The following CTBP2 variants were observed in gnomAD, a reference collection of about 807,000 sequenced individuals.
The protein encoded by CTBP2 is C-terminal binding protein 2.
In CTBP2, 30 loss-of-function variants were observed where a neutral mutation model predicts 80.3. The ratio of observed to expected loss-of-function variants is 0.37; its 90% CI spans 0.28 to 0.51. The LOEUF (loss-of-function observed/expected upper bound fraction) is 0.51. Ranked by LOEUF, CTBP2 falls within the 20% of genes least tolerant of loss-of-function variation. CTBP2 has a pLI of 0.93. For missense variants in CTBP2, 1,212 were observed against 1,375.3 expected (o/e 0.88, Z 1.88); for synonymous variants, 594 against 587.4 (o/e 1.01, Z -0.16).
At chr10:125,049,767 G>A (rs962250365) in intron 2 of CTBP2, among the ~76,000 whole-genome samples, 14 of 152,144 alleles carry the variant, frequency 9.2e-5, no homozygotes, top group African/African-American at 3.4e-4. Context: ...AAGCAGGAAC[G>A]GCTCCCTCCA....
At chr10:125,004,624 G>C (rs11245461) in intron 1 of CTBP2, among the ~76,000 whole-genome samples, 8,746 of 152,206 alleles carry the variant, frequency 0.057, 862 homozygotes, top group African/African-American at 0.2. Flanking sequence ...TGTCAAATTA[G>C]AACTCTTTAG....
intron 1 of CTBP2, among the ~76,000 whole-genome samples, chr10:125,135,343 G>GA (rs1187979242): frequency 1.3e-5 from 2 of 151,966 alleles, no homozygotes; most frequent in African/African-American, 4.8e-5. Context: ...TGAGGGCTCC[G>GA]AAAAAAATGT....
intron 2 of CTBP2, among the ~76,000 whole-genome samples, chr10:125,048,789 G>A (rs190389973): frequency 2.6e-5 from 4 of 152,262 alleles, no homozygotes; most frequent in Admixed American, 2.0e-4. Flanking sequence ...GGGCTGCTCC[G>A]CAAATGCCCC....
Position 125,027,765 on chromosome 10 carries a change from A to G in CTBP2, c.-6T>C, listed in dbSNP as rs1957805966. The G allele has an allele frequency of 6.4e-7, 1 of 1,565,582 alleles. No homozygotes were observed. On this transcript the variant is annotated 5_prime_UTR_variant, in exon 1 of 9. Transcript: ENST00000309035. ...TGCCTGCTGGGAACTGGCATTGGAAAAAAAATGACTGCGGATGAGGCAGAG... is the reference window on the plus strand; with the variant it reads ...TGCCTGCTGGGAACTGGCATTGGAAGAAAAATGACTGCGGATGAGGCAGAG...
chr10:125,115,938 C>T (rs1003648509), intron 1 of CTBP2, among the ~76,000 whole-genome samples: 2 of 152,132 alleles, frequency 1.3e-5, no homozygotes, highest in African/African-American at 4.8e-5. Context: ...TACTCCACAC[C>T]CCTGCCCACC....
rs190045529 is a variant in CTBP2, at chr10:125,050,742, G to A, written c.-101-11587C>T. ...CAGTCCCGGTCTCCAGGTCTCTGACGAGTACACCACCCCATTTTAACACTC... is the reference window on the plus strand; with the variant it reads ...CAGTCCCGGTCTCCAGGTCTCTGACAAGTACACCACCCCATTTTAACACTC... On this transcript the variant is annotated intron_variant, in intron 2 of 10. Coordinates refer to the CTBP2 transcript ENST00000337195. 3.9e-4 allele frequency among the ~76,000 whole-genome samples: 60 copies of A among 152,298 alleles called. No homozygotes were observed. In the East Asian group the frequency reaches 8.1e-3, roughly 21 times the overall value.
chr10:125,061,966 G>A (rs1193355488), intron 2 of CTBP2, among the ~76,000 whole-genome samples: 1 of 152,178 alleles, frequency 6.6e-6, no homozygotes, highest in East Asian at 1.9e-4. Flanking sequence ...GAAAACAACG[G>A]GCCAAAGACA....
upstream of CTBP2, among the ~76,000 whole-genome samples, chr10:125,161,771 G>A (rs1299481424): frequency 6.6e-6 from 1 of 152,060 alleles, no homozygotes; most frequent in Admixed American, 6.5e-5. Context: ...CATTTGAGAA[G>A]CCCTGTGTTG....
intron 2 of CTBP2, among the ~76,000 whole-genome samples, chr10:125,094,135 A>C (rs892066555): frequency 2.0e-5 from 3 of 152,170 alleles, no homozygotes; most frequent in Admixed American, 1.3e-4. Flanking sequence ...AAAGTTAAAG[A>C]AACAGAGGAA....
chr10:125,138,868 ACTGT>A (rs1211674688), intron 1 of CTBP2, among the ~76,000 whole-genome samples: 1 of 152,190 alleles, frequency 6.6e-6, no homozygotes, highest in Non-Finnish European at 1.5e-5. Context: ...CACTCGGCTA[ACTGT>A]GCAAAGGAAC....
Position 125,154,835 on chromosome 10 carries a change from G to A in CTBP2, c.-206+5484C>T, listed in dbSNP as rs11812474. 4.0e-3 allele frequency among the ~76,000 whole-genome samples: 613 copies of A among 152,304 alleles called. 2 individuals carry two copies. Among genetic ancestry groups the A allele is most frequent in the African/African-American group, 0.013 (543 of 41,570 alleles). On this transcript the variant is annotated intron_variant, in intron 1 of 10. Transcript: ENST00000337195. ...GAAGGAGAAGGGCTTTGTGAATGGG[G>A]GAGGAGCTTTTTCCGAAATGGCAGC...
intron 2 of CTBP2, among the ~76,000 whole-genome samples, chr10:125,096,499 A>G (rs948317407): frequency 6.6e-6 from 1 of 152,218 alleles, no homozygotes; most frequent in African/African-American, 2.4e-5. Flanking sequence ...TCGACTAAAC[A>G]GATGGCTAAC....
At chr10:124,990,665 C>T (rs936678917) in intron 8 of CTBP2, among the ~76,000 whole-genome samples, 1 of 152,234 alleles carries the variant, frequency 6.6e-6, no homozygotes, top group African/African-American at 2.4e-5. Context: ...CTCCCTCCAT[C>T]CCCCTAATTC....
intron 1 of CTBP2, among the ~76,000 whole-genome samples, chr10:125,128,648 C>T (rs1855652156): frequency 2.0e-5 from 3 of 152,184 alleles, no homozygotes; most frequent in African/African-American, 7.2e-5. Context: ...CCATCCCACT[C>T]CACCACCCAA....
At chr10:125,110,943 T>C (rs1295874167) in intron 2 of CTBP2, 47 bp downstream of exon 2, 1 of 152,540 alleles carries the variant, frequency 6.6e-6, no homozygotes, top group Non-Finnish European at 1.5e-5. Flanking sequence ...GCAAAGGGGA[T>C]TCTAGAAAAC....
At chr10:125,057,494 C>A (rs552025204) in intron 2 of CTBP2, among the ~76,000 whole-genome samples, 2 of 152,280 alleles carry the variant, frequency 1.3e-5, no homozygotes, top group Admixed American at 6.5e-5. Flanking sequence ...ATTCACTGAT[C>A]GGCCACTGAG....
chr10:124,989,734 A>T, intron 8 of CTBP2, 36 bp from the exon 11 acceptor site: 2 of 1,518,000 alleles, frequency 1.3e-6, no homozygotes, highest in South Asian at 1.3e-5. Context: ...TTGTAAGTTC[A>T]GGGCAGAGTT....
Position 124,994,619 on chromosome 10 carries a change from G to A in CTBP2, c.2250C>T (p.Asp750=), listed in dbSNP as rs954477636. ...GCTCGATCCCATCCTGCAAGTAGGG[G>A]TCATAAAATATGACGCTGAATCCAA... Residue 750 remains aspartate (D), a synonymous_variant, in exon 5 of 9, where the codon GAC becomes GAT. Coordinates refer to ENST00000309035, the MANE Select transcript of CTBP2 (RefSeq NM_022802.3). The A allele has an allele frequency of 6.2e-7, 1 of 1,614,144 alleles. No homozygotes were observed. Among genetic ancestry groups the A allele is most frequent in the Non-Finnish European group, 8.5e-7 (1 of 1,179,990 alleles).
chr10:125,143,656 C>T (rs1051178102), intron 1 of CTBP2, among the ~76,000 whole-genome samples: 1 of 152,046 alleles, frequency 6.6e-6, no homozygotes, highest in African/African-American at 2.4e-5. Context: ...GGGAAGTGTA[C>T]AAAACATAAT....
Sources: gnomAD v4.1 joint callset for allele counts (sites outside exome capture counted in the v4.1 genomes callset) on GRCh38, gnomAD v4.1.1 for gene constraint, MANE v1.5 for transcripts, NCBI Gene and HGNC (gene_info 2026-07-23, HGNC 2026-07-21) for gene names.